LRRC28: variants seen among roughly 807,000 people sequenced by gnomAD.
LRRC28 encodes the protein leucine rich repeat containing 28, also known as leucine-rich repeat-containing protein 28.
LRRC28 carries 39 observed loss-of-function variants against 45.7 expected under a neutral mutation model. That is an observed-to-expected ratio of 0.85 (90% CI 0.66 to 1.12). LRRC28 has a LOEUF of 1.12. Ranked by LOEUF, LRRC28 falls within the 50% of genes most tolerant of loss-of-function variation. The probability of loss-of-function intolerance (pLI) is 0.00; values close to 1 mark genes in which losing one functional copy is unlikely to be tolerated. For missense variants in LRRC28, 435 were observed against 438.5 expected (o/e 0.99, Z 0.07); for synonymous variants, 206 against 178.8 (o/e 1.15, Z -1.22).
At chr15:99,371,940 C>G (rs1597453508) in intron 9 of LRRC28, among the ~76,000 whole-genome samples, 1 of 152,194 alleles carries the variant, frequency 6.6e-6, no homozygotes, top group East Asian at 1.9e-4. Flanking sequence ...AGAAAGAAGT[C>G]TGCTTGACAT....
At chr15:99,267,088 G>A (rs986245828) in intron 2 of LRRC28, among the ~76,000 whole-genome samples, 1 of 152,168 alleles carries the variant, frequency 6.6e-6, no homozygotes, top group East Asian at 1.9e-4. Flanking sequence ...GTTAAAATAA[G>A]ATGGTTAGAA....
chr15:99,357,666 A>C (rs1957083841), intron 7 of LRRC28, among the ~76,000 whole-genome samples: 1 of 152,166 alleles, frequency 6.6e-6, no homozygotes, highest in South Asian at 2.1e-4. Context: ...AGCAATTGTG[A>C]CTTGTGTACT....
In LRRC28 at chr15:99,369,427, G is replaced by A. The variant is rs370575710; in HGVS notation, c.1031+6162G>A. ...GAAATTGGCTCACACAATTGCAAAG[G>A]CTGGCGCGTTCAGAACTGGGGCAGA... On this transcript the variant is annotated intron_variant, in intron 9 of 9. Coordinates refer to ENST00000301981, the MANE Select transcript of LRRC28 (RefSeq NM_144598.5). Among the ~76,000 whole-genome samples the A allele has an allele frequency of 1.2e-3, 176 of 152,262 alleles. 1 individual carries two copies. The highest frequency in any genetic ancestry group is 3.8e-3 in the African/African-American group (158 of 41,558).
chr15:99,315,852 A>G (rs1371830707), intron 5 of LRRC28, among the ~76,000 whole-genome samples: 1 of 152,212 alleles, frequency 6.6e-6, no homozygotes, highest in East Asian at 1.9e-4. Flanking sequence ...TCCAGGATAT[A>G]GTGAGTCGTA....
intron 2 of LRRC28, among the ~76,000 whole-genome samples, chr15:99,257,260 A>G (rs2081049760): frequency 6.6e-6 from 1 of 152,246 alleles, no homozygotes; most frequent in South Asian, 2.1e-4. Context: ...CAGTTTTCCA[A>G]CTTGGAAAAT....
intron 5 of LRRC28, among the ~76,000 whole-genome samples, chr15:99,324,660 T>C (rs1428772615): frequency 6.6e-6 from 1 of 152,228 alleles, no homozygotes; most frequent in African/African-American, 2.4e-5. Context: ...GTAATTACTA[T>C]GTGGCAATAA....
chr15:99,308,060 T>C (rs967688679), intron 5 of LRRC28, among the ~76,000 whole-genome samples: 1 of 152,366 alleles, frequency 6.6e-6, no homozygotes, highest in South Asian at 2.1e-4. Context: ...TGATGATGGC[T>C]TGCACTAGAG....
chr15:99,349,229 A>T (rs1956793768), intron 6 of LRRC28, among the ~76,000 whole-genome samples: 1 of 152,062 alleles, frequency 6.6e-6, no homozygotes, highest in Admixed American at 6.6e-5. Flanking sequence ...CTCAATTAAC[A>T]CCACGGTTAT....
intron 9 of LRRC28, among the ~76,000 whole-genome samples, chr15:99,364,457 G>A (rs1468894104): frequency 1.3e-5 from 2 of 152,070 alleles, no homozygotes; most frequent in Admixed American, 6.5e-5. Context: ...GCTTACAGGA[G>A]CCCTCCTCCA....
chr15:99,348,580 T>A (rs1446101318), intron 6 of LRRC28, among the ~76,000 whole-genome samples: 3 of 152,188 alleles, frequency 2.0e-5, no homozygotes, highest in Non-Finnish European at 4.4e-5. Context: ...TGGATTCATT[T>A]CTGGACTCTC....
intron 5 of LRRC28, among the ~76,000 whole-genome samples, chr15:99,290,623 A>G (rs534612999): frequency 1.5e-4 from 23 of 152,144 alleles, no homozygotes; most frequent in Admixed American, 1.4e-3. Flanking sequence ...GTATTTATGA[A>G]CTTTTTTTTA....
At chr15:99,259,222 C>T in intron 2 of LRRC28, 2 of 1,062,000 alleles carry the variant, frequency 1.9e-6, no homozygotes, top group South Asian at 1.3e-5. Flanking sequence ...AAAAACAAGA[C>T]AAAATCTGCC....
intron 6 of LRRC28, among the ~76,000 whole-genome samples, chr15:99,339,953 C>T (rs1216479379): frequency 2.0e-5 from 3 of 152,146 alleles, no homozygotes; most frequent in Admixed American, 6.5e-5. Context: ...ACTTGTGCTA[C>T]ATAATGAAAT....
chr15:99,332,857 T>C (rs1328247242), intron 5 of LRRC28, among the ~76,000 whole-genome samples: 1 of 152,164 alleles, frequency 6.6e-6, no homozygotes, highest in Non-Finnish European at 1.5e-5. Context: ...AGGGGTACTG[T>C]CAAGTGGTAG....
intron 5 of LRRC28, among the ~76,000 whole-genome samples, chr15:99,312,094 T>C (rs904150220): frequency 2.0e-5 from 3 of 152,220 alleles, no homozygotes; most frequent in African/African-American, 4.8e-5. Context: ...CACAAATATT[T>C]CTACAGTCAC....
At chr15:99,376,806 G>A (rs1023112471) in intron 9 of LRRC28, among the ~76,000 whole-genome samples, 2 of 151,922 alleles carry the variant, frequency 1.3e-5, no homozygotes, top group Non-Finnish European at 2.9e-5. Flanking sequence ...TTGGTTTTCT[G>A]TCCTTGTGAT....
intron 9 of LRRC28, among the ~76,000 whole-genome samples, chr15:99,376,753 T>C (rs1012404273): frequency 6.6e-6 from 1 of 152,154 alleles, no homozygotes; most frequent in African/African-American, 2.4e-5. Context: ...GTCCATGTGT[T>C]CTCATTGTTC....
chr15:99,326,382 C>T (rs1239463625), intron 5 of LRRC28: 4 of 152,158 alleles, frequency 2.6e-5, no homozygotes, highest in African/African-American at 9.7e-5. Flanking sequence ...GTGTTCCAGG[C>T]ACAGAGCTAA....
intron 6 of LRRC28, among the ~76,000 whole-genome samples, chr15:99,343,017 T>G (rs904658668): frequency 1.1e-4 from 17 of 152,206 alleles, no homozygotes; most frequent in African/African-American, 4.1e-4. Context: ...TTAAATTCAT[T>G]TTAAGAATTA....
Sources: allele counts gnomAD v4.1 joint callset (sites outside exome capture counted in the v4.1 genomes callset), GRCh38; gene constraint gnomAD v4.1.1; transcripts MANE v1.5; gene names NCBI Gene and HGNC (gene_info 2026-07-23, HGNC 2026-07-21).